GUCY1B1: variants seen among roughly 807,000 people sequenced by gnomAD.
GUCY1B1 encodes guanylate cyclase 1 soluble subunit beta 1.
A neutral mutation model predicts 71.0 loss-of-function variants in GUCY1B1; 43 were observed. The ratio of observed to expected loss-of-function variants is 0.61; its 90% CI spans 0.47 to 0.78. The LOEUF (loss-of-function observed/expected upper bound fraction) is 0.78, where lower values mean the gene tolerates loss of function less well. Ranked by LOEUF, GUCY1B1 falls within the 30% of genes least tolerant of loss-of-function variation. GUCY1B1 has a pLI of 0.00. For missense variants in GUCY1B1, 535 were observed against 754.1 expected, an observed-to-expected ratio of 0.71 and a Z score of 3.40; for synonymous variants, 266 against 259.7, an observed-to-expected ratio of 1.02 and a Z score of -0.23.
chr4:155,773,605 A>G (rs1026789580), intron 2 of GUCY1B1, among the ~76,000 whole-genome samples: 2 of 152,188 alleles, frequency 1.3e-5, no homozygotes, highest in African/African-American at 2.4e-5. Flanking sequence ...TCCGCCTCCA[A>G]CAAGTCTTTC....
At chr4:155,787,695 A>G (rs1738891200) in intron 4 of GUCY1B1, among the ~76,000 whole-genome samples, 1 of 152,232 alleles carries the variant, frequency 6.6e-6, no homozygotes, top group Admixed American at 6.5e-5. Context: ...TGCACATACA[A>G]TAACATTATA....
intron 4 of GUCY1B1, among the ~76,000 whole-genome samples, chr4:155,784,784 T>C (rs1002271323): frequency 1.3e-5 from 2 of 152,184 alleles, no homozygotes; most frequent in Non-Finnish European, 2.9e-5. Context: ...TTTAATTAGA[T>C]GTCCTTGAAA....
Position 155,802,147 on chromosome 4 carries a change from C to A in GUCY1B1, c.1176-195C>A, listed in dbSNP as rs534432726. ...GGATGTCTTATGTGATTAGGATGAA[C>A]AAATAATTTATGTTTTCTGTAAATC... On this transcript the variant is annotated intron_variant, in intron 9 of 13. Coordinates refer to ENST00000264424, the MANE Select transcript of GUCY1B1 (RefSeq NM_000857.5). The surrounding 1 kb of genome is among the most constrained non-coding windows in gnomAD (Gnocchi z 4.3). The A allele has an allele frequency of 3.4e-5, 44 of 1,305,016 alleles. No individual in the cohort carries two copies. The East Asian group carries it at 1.1e-3, about 32-fold the overall frequency. The allele number at this position is 1,305,016 out of a possible 1,614,324, so 80.8% of individuals were successfully genotyped here. A position where few individuals can be genotyped will look rare whatever the true frequency, so the allele number is the denominator to read the frequency against.
At chr4:155,778,908 C>G (rs1421179881) in intron 4 of GUCY1B1, among the ~76,000 whole-genome samples, 1 of 151,884 alleles carries the variant, frequency 6.6e-6, no homozygotes, top group African/African-American at 2.4e-5. Flanking sequence ...TGACTTATAA[C>G]TCTCTCTCTC....
At chr4:155,799,728 C>G (rs1164163821) in intron 8 of GUCY1B1, 149 bp from the exon 9 acceptor site, 1 of 484,866 alleles carries the variant, frequency 2.1e-6, no homozygotes, top group Non-Finnish European at 3.7e-6. Context: ...AACTCACAAT[C>G]TTCGTTCAAT....
At chr4:155,763,784 T>C (rs942150455) in intron 2 of GUCY1B1, among the ~76,000 whole-genome samples, 2 of 152,150 alleles carry the variant, frequency 1.3e-5, no homozygotes, top group Admixed American at 1.3e-4. Flanking sequence ...TTTCCAATCC[T>C]CCATTGCATA....
Position 155,800,087 on chromosome 4 carries a change from C to G in GUCY1B1, c.1175+13C>G. On this transcript the variant is annotated intron_variant, in intron 9 of 13. Coordinates refer to ENST00000264424, the MANE Select transcript of GUCY1B1 (RefSeq NM_000857.5). ...AAAAGACAGACACGTAAGAATGTAA[C>G]GCTTGGAGCACTACTGTTATTCATA... 1 of 1,567,006 alleles carries G rather than the reference C, an allele frequency of 6.4e-7. No homozygotes were observed. Among genetic ancestry groups the G allele is most frequent in the Non-Finnish European group, 8.8e-7 (1 of 1,142,278 alleles).
At position 155,795,451 on chromosome 4, in the gene GUCY1B1, A is replaced by C; in HGVS notation, c.837A>C (p.Arg279Ser). ...ACATCAATACTGTTTTTGTATTGAG[A>C]AGCAAGGTAATCAAGATATTATTTC... Reference protein sequence around the residue: ...LSHINTVFVLRSKEGLLDVEK... With the variant: ...LSHINTVFVLSSKEGLLDVEK... Residue 279 changes from arginine to serine, a missense_variant, in exon 7 of 14, where the codon AGA becomes AGC. Transcript: ENST00000264424. 1 of 1,370,440 alleles carries C rather than the reference A, an allele frequency of 7.3e-7. No individual in the cohort carries two copies. The highest frequency in any genetic ancestry group is 1.0e-6 in the Non-Finnish European group (1 of 959,926). The allele number at this position is 1,370,440 out of a possible 1,614,324, so 84.9% of individuals were successfully genotyped here.
intron 2 of GUCY1B1, among the ~76,000 whole-genome samples, chr4:155,760,442 C>T (rs1371212633): frequency 7.2e-6 from 1 of 138,204 alleles, no homozygotes; most frequent in East Asian, 2.3e-4. Context: ...CGCCCCAACC[C>T]CTATCCCCCG....
chr4:155,768,527 A>G (rs1193767954), intron 2 of GUCY1B1, among the ~76,000 whole-genome samples: 1 of 148,348 alleles, frequency 6.7e-6, no homozygotes, highest in African/African-American at 2.5e-5. Context: ...TCATTCACTA[A>G]TTTTTAAACA....
chr4:155,803,163 G>A (rs1400965375), intron 10 of GUCY1B1, among the ~76,000 whole-genome samples: 2 of 152,070 alleles, frequency 1.3e-5, no homozygotes, highest in East Asian at 1.9e-4. Flanking sequence ...AACTACACAA[G>A]GACTATTTAT....
chr4:155,764,235 C>T (rs1737185538), intron 2 of GUCY1B1, among the ~76,000 whole-genome samples: 2 of 152,012 alleles, frequency 1.3e-5, no homozygotes, highest in Admixed American at 1.3e-4. Flanking sequence ...AGTAATGAGC[C>T]TATGTATGTT....
intron 2 of GUCY1B1, among the ~76,000 whole-genome samples, chr4:155,765,490 T>C (rs1737272666): frequency 6.6e-6 from 1 of 152,186 alleles, no homozygotes; most frequent in Admixed American, 6.5e-5. Flanking sequence ...AAATGAAGCA[T>C]CTTTTTCTGT....
In GUCY1B1 at chr4:155,804,548, G is replaced by A. The variant is rs551186359; in HGVS notation, c.1555-45G>A. The A allele has an allele frequency of 4.1e-6, 6 of 1,479,354 alleles. No homozygotes were observed. In the Admixed American group the frequency reaches 1.0e-4, roughly 25 times the overall value. 91.6% of individuals were successfully genotyped at this position (1,479,354 alleles called of 1,614,324 possible). On this transcript the variant is annotated intron_variant, in intron 11 of 13. Coordinates refer to ENST00000264424, the MANE Select transcript of GUCY1B1 (RefSeq NM_000857.5). ...GTAAAATAAAAAAAAAAAAATTCAT[G>A]TGTTAGTGATCAAAATGATTGAAGC...
chr4:155,797,172 A>G (rs1038602677), intron 8 of GUCY1B1, among the ~76,000 whole-genome samples: 1 of 152,190 alleles, frequency 6.6e-6, no homozygotes, highest in African/African-American at 2.4e-5. Context: ...GAACAATAGA[A>G]AAGATAACTG....
In GUCY1B1 at chr4:155,804,655, A is replaced by C; in HGVS notation, c.1617A>C (p.Arg539=). Residue 539 remains arginine (R), a synonymous_variant, in exon 12 of 14, where the codon CGA becomes CGC. Coordinates refer to ENST00000264424, the MANE Select transcript of GUCY1B1 (RefSeq NM_000857.5). The part of the protein sequence containing the change: ...VTGVIGQRMP[R]YCLFGNTVNL... ...GTGTCATAGGACAGCGGATGCCTCG[A>C]TACTGTCTTTTTGGGAATACTGTCA... 1 of 1,612,796 alleles carries C rather than the reference A, an allele frequency of 6.2e-7. No homozygotes were observed. Among genetic ancestry groups the C allele is most frequent in the Middle Eastern group, 1.7e-4 (1 of 6,060 alleles).
At chr4:155,797,924 T>A (rs140003730) in intron 8 of GUCY1B1, among the ~76,000 whole-genome samples, 2 of 151,974 alleles carry the variant, frequency 1.3e-5, no homozygotes, top group Non-Finnish European at 2.9e-5. Flanking sequence ...AAACGCTTTT[T>A]AAAAAAATTA....
chr4:155,772,994 G>C (rs907883490), intron 2 of GUCY1B1, among the ~76,000 whole-genome samples: 5 of 152,222 alleles, frequency 3.3e-5, no homozygotes, highest in Non-Finnish European at 7.3e-5. Flanking sequence ...AGTGGCAGCT[G>C]TGATAGCACA....
intron 2 of GUCY1B1, chr4:155,772,552 G>A (rs2111013883): frequency 8.8e-6 from 5 of 569,052 alleles, no homozygotes; most frequent in South Asian, 8.4e-5. Context: ...AAGTAGCTGG[G>A]ACTACAGACT....
Sources: allele counts gnomAD v4.1 joint callset (sites outside exome capture counted in the v4.1 genomes callset), GRCh38; gene constraint gnomAD v4.1.1; non-coding constraint Gnocchi (gnomAD v3.1); transcripts MANE v1.5; gene names NCBI Gene and HGNC (gene_info 2026-07-23, HGNC 2026-07-21).